COL22A1: variants seen among roughly 807,000 people sequenced by gnomAD.
COL22A1 encodes the protein collagen alpha-1(XXII) chain.
COL22A1 carries 221 observed loss-of-function variants against 248.9 expected under a neutral mutation model. That is an observed-to-expected ratio of 0.89 (90% confidence interval 0.80 to 0.99). The LOEUF (loss-of-function observed/expected upper bound fraction) is 0.99, where lower values mean the gene tolerates loss of function less well. Among genes scored for constraint, COL22A1 ranks in the 50% least tolerant of loss-of-function variants. The probability of loss-of-function intolerance (pLI) is 0.00; values close to 1 mark genes in which losing one functional copy is unlikely to be tolerated. For synonymous variants in COL22A1, 891 were observed against 793.4 expected (o/e 1.12, Z -2.07); for missense variants, 2,240 against 2,179.0 (o/e 1.03, Z -0.56).
At chr8:138,883,633 T>A (rs559999365) in intron 1 of COL22A1, among the ~76,000 whole-genome samples, 3 of 152,124 alleles carry the variant, frequency 2.0e-5, no homozygotes, top group African/African-American at 7.2e-5. Context: ...ATGGGGGCAG[T>A]TTCCCCCATG....
At chr8:138,697,720 T>C (rs1714450233) in intron 32 of COL22A1, among the ~76,000 whole-genome samples, 1 of 152,124 alleles carries the variant, frequency 6.6e-6, no homozygotes, top group African/African-American at 2.4e-5. Context: ...CCCCTCTAAA[T>C]TGCTCTCTCC....
At chr8:138,794,418 T>C (rs1301929020) in intron 12 of COL22A1, among the ~76,000 whole-genome samples, 1 of 151,154 alleles carries the variant, frequency 6.6e-6, no homozygotes, top group Non-Finnish European at 1.5e-5. Flanking sequence ...CTGAACATGT[T>C]GGTGGGAACG....
Position 138,856,303 on chromosome 8 carries a change from T to A in COL22A1, c.659-12145A>T, listed in dbSNP as rs549109660. On this transcript the variant is annotated intron_variant, in intron 3 of 64. Coordinates refer to ENST00000303045, the MANE Select transcript of COL22A1 (RefSeq NM_152888.3). ...CTGCACTGTTCACTGTATGAAACCATTAGGTACATGTGCCCCTGTGTGCAT... is the reference window on the plus strand; with the variant it reads ...CTGCACTGTTCACTGTATGAAACCAATAGGTACATGTGCCCCTGTGTGCAT... 5.3e-5 allele frequency among the ~76,000 whole-genome samples: 8 copies of A among 152,260 alleles called. No individual in the cohort carries two copies. In the East Asian group the frequency reaches 1.5e-3, roughly 29 times the overall value.
intron 39 of COL22A1, among the ~76,000 whole-genome samples, chr8:138,681,569 G>A (rs943710913): frequency 1.3e-5 from 2 of 152,108 alleles, no homozygotes; most frequent in South Asian, 4.2e-4. Flanking sequence ...TAGGCCCTGA[G>A]GGTCCCTGAG....
At chr8:138,704,312 A>G (rs761489336) in intron 30 of COL22A1, among the ~76,000 whole-genome samples, 2 of 152,242 alleles carry the variant, frequency 1.3e-5, no homozygotes, top group Non-Finnish European at 2.9e-5. Flanking sequence ...ATCTAAGAAC[A>G]GACAGACTGC....
intron 30 of COL22A1, among the ~76,000 whole-genome samples, chr8:138,705,865 G>C (rs2131013668): frequency 6.6e-6 from 1 of 152,326 alleles, no homozygotes; most frequent in East Asian, 1.9e-4. Flanking sequence ...AGACCCATCA[G>C]TGTGCTGTAT....
chr8:138,619,908 A>C, intron 52 of COL22A1: 1 of 200,066 alleles, frequency 5.0e-6, no homozygotes, highest in South Asian at 1.0e-4. Context: ...CTGAGGCTCA[A>C]AGTTATATTT....
chr8:138,881,747 T>A (rs959736338), intron 2 of COL22A1, among the ~76,000 whole-genome samples: 2 of 152,192 alleles, frequency 1.3e-5, no homozygotes, highest in Non-Finnish European at 2.9e-5. Context: ...GCTTCCTGAA[T>A]CCAGTGACAG....
rs547091471 is a variant in COL22A1 at position 138,728,770 on chromosome 8, C to T, written c.2140-3330G>A. 2.0e-3 allele frequency among the ~76,000 whole-genome samples: 312 copies of T among 152,238 alleles called. 3 individuals are homozygous for T. The highest frequency in any genetic ancestry group is 7.1e-3 in the African/African-American group (295 of 41,530). ...CCATCATCTCTGGCTGCTGCAGATA[C>T]ACCTGGAGGGCCTGTCACAAATGCA... On this transcript the variant is annotated intron_variant, in intron 23 of 64. Transcript: ENST00000303045.
intron 47 of COL22A1, among the ~76,000 whole-genome samples, chr8:138,639,592 C>T (rs1264993745): frequency 6.6e-6 from 1 of 152,208 alleles, no homozygotes; most frequent in Non-Finnish European, 1.5e-5. Context: ...AGAAACTTCG[C>T]CCCACTCAGT....
chr8:138,885,034 G>GCA (rs1472334695), intron 1 of COL22A1, among the ~76,000 whole-genome samples: 2 of 148,624 alleles, frequency 1.3e-5, no homozygotes, highest in African/African-American at 5.0e-5. Flanking sequence ...ACACACACAC[G>GCA]CACACACACA....
intron 25 of COL22A1, 153 bp from the exon 26 acceptor site, chr8:138,722,242 G>A (rs1829923843): frequency 1.3e-5 from 8 of 625,186 alleles, no homozygotes; most frequent in African/African-American, 3.7e-5. Context: ...TCTCCAGAGC[G>A]ACTGTGGTCT....
chr8:138,780,564 C>T (rs955692169), intron 13 of COL22A1, among the ~76,000 whole-genome samples: 8 of 152,098 alleles, frequency 5.3e-5, no homozygotes, highest in Admixed American at 5.2e-4. Context: ...TGGGGTGTTG[C>T]TTGGGTCTCA....
chr8:138,897,887 G>A (rs2132140766), intron 1 of COL22A1, among the ~76,000 whole-genome samples: 1 of 152,196 alleles, frequency 6.6e-6, no homozygotes, highest in South Asian at 2.1e-4. Context: ...TTAAACAACA[G>A]AAATGTATTT....
At chr8:138,683,364 C>A (rs2130845348) in intron 39 of COL22A1, among the ~76,000 whole-genome samples, 1 of 152,328 alleles carries the variant, frequency 6.6e-6, no homozygotes, top group Non-Finnish European at 1.5e-5. Flanking sequence ...GGAAACTTCC[C>A]TGTCCACTCA....
At chr8:138,865,395 T>C (rs548311139) in intron 3 of COL22A1, among the ~76,000 whole-genome samples, 2 of 152,216 alleles carry the variant, frequency 1.3e-5, no homozygotes, top group African/African-American at 4.8e-5. Context: ...TGAGTGTATG[T>C]GTGTGTCTTG....
At chr8:138,769,624 G>A (rs1054329210) in intron 16 of COL22A1, among the ~76,000 whole-genome samples, 5 of 152,262 alleles carry the variant, frequency 3.3e-5, no homozygotes, top group Middle Eastern at 3.4e-3. Context: ...AGCTACCCAC[G>A]GACTTGGTAC....
In COL22A1 at chr8:138,912,515, C is replaced by T. The variant is rs143179381; in HGVS notation, c.-73+1104G>A. 4.9e-3 allele frequency among the ~76,000 whole-genome samples: 750 copies of T among 152,208 alleles called. 7 individuals carry two copies. The highest frequency in any genetic ancestry group is 0.017 in the African/African-American group (711 of 41,544). On this transcript the variant is annotated intron_variant, in intron 1 of 64. Transcript: ENST00000303045. ...CAGCACTCTGGGAGGCCAAGGTGGGCGGATCACCTGAGGTCGGGAGTTGGA... is the reference window on the plus strand; with the variant it reads ...CAGCACTCTGGGAGGCCAAGGTGGGTGGATCACCTGAGGTCGGGAGTTGGA...
intron 3 of COL22A1, among the ~76,000 whole-genome samples, chr8:138,856,597 A>C (rs969379222): frequency 7.9e-4 from 118 of 149,200 alleles, no homozygotes; most frequent in Admixed American, 6.0e-3. Context: ...GCAGTGAGAG[A>C]GAGAGAGAGA....
Sources: gnomAD v4.1 joint callset for allele counts (sites outside exome capture counted in the v4.1 genomes callset) on GRCh38, gnomAD v4.1.1 for gene constraint, MANE v1.5 for transcripts, NCBI Gene and HGNC (gene_info 2026-07-23, HGNC 2026-07-21) for gene names.